The following PRKD1 variants were observed in gnomAD, a reference collection of about 807,000 sequenced individuals.
PRKD1 encodes the protein serine/threonine-protein kinase D1.
In PRKD1, 63 loss-of-function variants were observed where a neutral mutation model predicts 95.9. The ratio of observed to expected loss-of-function variants is 0.66; its 90% CI spans 0.54 to 0.81. The LOEUF is 0.81. PRKD1 is among the 30% of genes least tolerant of loss of function. The pLI is 0.00. For missense variants in PRKD1, 1,048 were observed against 1,165.3 expected (o/e 0.90, Z 1.47); for synonymous variants, 425 against 423.1 (o/e 1.00, Z -0.05).
chr14:29,875,949 G>GA (rs937551459), intron 1 of PRKD1, among the ~76,000 whole-genome samples: 1 of 152,156 alleles, frequency 6.6e-6, no homozygotes, highest in Non-Finnish European at 1.5e-5. Flanking sequence ...GAATTCGTCA[G>GA]ACTATCAGCA....
chr14:29,861,932 G>C (rs1048647537), intron 1 of PRKD1, among the ~76,000 whole-genome samples: 1 of 152,084 alleles, frequency 6.6e-6, no homozygotes, highest in Non-Finnish European at 1.5e-5. Flanking sequence ...GATTATAGTC[G>C]TGAGCCACTG....
chr14:29,869,878 T>C (rs138926283), intron 1 of PRKD1, among the ~76,000 whole-genome samples: 36 of 152,312 alleles, frequency 2.4e-4, no homozygotes, highest in African/African-American at 8.4e-4. Context: ...TTGCTTTTCT[T>C]TGAAAGATTG....
At chr14:29,700,940 C>G (rs1473079159) in intron 2 of PRKD1, among the ~76,000 whole-genome samples, 1 of 150,918 alleles carries the variant, frequency 6.6e-6, no homozygotes, top group East Asian at 1.9e-4. Context: ...TCTCCCTCCC[C>G]TTCCTCCCAA....
At chr14:29,861,685 C>T (rs59011462) in intron 1 of PRKD1, among the ~76,000 whole-genome samples, 2,349 of 152,222 alleles carry the variant, frequency 0.015, 39 homozygotes, top group South Asian at 0.089. Context: ...TGGAGTCTTG[C>T]TCTGTCACCC....
chr14:29,620,139 G>C (rs1879148314), intron 13 of PRKD1, among the ~76,000 whole-genome samples: 1 of 150,778 alleles, frequency 6.6e-6, no homozygotes, highest in African/African-American at 2.4e-5. Flanking sequence ...AGCTGAAACT[G>C]GATCCCTTCC....
At chr14:29,814,799 C>T (rs910226528) in intron 1 of PRKD1, among the ~76,000 whole-genome samples, 16 of 152,052 alleles carry the variant, frequency 1.1e-4, no homozygotes, top group Admixed American at 6.6e-5. Flanking sequence ...CCTTAGCACT[C>T]GAAACTAAGC....
At chr14:29,822,296 T>C (rs747059733) in intron 1 of PRKD1, among the ~76,000 whole-genome samples, 2 of 152,230 alleles carry the variant, frequency 1.3e-5, no homozygotes, top group African/African-American at 4.8e-5. Context: ...ACGATTTCTA[T>C]AGAATCCTTC....
chr14:29,832,273 A>T (rs569229651), intron 1 of PRKD1, among the ~76,000 whole-genome samples: 1 of 152,172 alleles, frequency 6.6e-6, no homozygotes, highest in East Asian at 1.9e-4. Flanking sequence ...TGGTGGGTAT[A>T]TGAAATGTTG....
At chr14:29,920,117 GAAAGA>G (rs956257718) in intron 1 of PRKD1, among the ~76,000 whole-genome samples, 6 of 150,614 alleles carry the variant, frequency 4.0e-5, no homozygotes, top group Non-Finnish European at 4.4e-5. Context: ...AGAAAGGGGA[GAAAGA>G]AAAGAAAAGA....
intron 13 of PRKD1, among the ~76,000 whole-genome samples, chr14:29,619,994 GA>G: frequency 6.6e-6 from 1 of 151,766 alleles, no homozygotes; most frequent in Non-Finnish European, 1.5e-5. Context: ...CAATGGAACA[GA>G]ACAGAGCCCT....
chr14:29,731,389 C>T (rs1715763769), intron 1 of PRKD1, among the ~76,000 whole-genome samples: 1 of 152,140 alleles, frequency 6.6e-6, no homozygotes, highest in South Asian at 2.1e-4. Context: ...ATTCTATGTG[C>T]ATCTGAAAAT....
At chr14:29,882,250 T>A (rs575785537) in intron 1 of PRKD1, among the ~76,000 whole-genome samples, 1 of 152,244 alleles carries the variant, frequency 6.6e-6, no homozygotes, top group African/African-American at 2.4e-5. Context: ...ATTTATCATG[T>A]CCATGTTTTC....
At position 29,577,099 on chromosome 14, in the gene PRKD1, T is replaced by C. The variant is rs537901996; in HGVS notation, c.*139A>G. 1,586 of 864,300 alleles carry C rather than the reference T, an allele frequency of 1.8e-3. 4 individuals are homozygous for C. Among genetic ancestry groups the C allele is most frequent in the Middle Eastern group, 6.1e-3 (17 of 2,780 alleles). The allele number at this position is 864,300 out of a possible 1,614,324, so 53.5% of individuals were successfully genotyped here. A position where few individuals can be genotyped will look rare whatever the true frequency, so the allele number is the denominator to read the frequency against. ...TGTTGATTTGTCTTGGCAACTCAGATACATCAACAGTGCTAACAGTTTAAC... is the reference window on the plus strand; with the variant it reads ...TGTTGATTTGTCTTGGCAACTCAGACACATCAACAGTGCTAACAGTTTAAC... On this transcript the variant is annotated 3_prime_UTR_variant, in exon 18 of 18. Transcript: ENST00000331968.
intron 1 of PRKD1, among the ~76,000 whole-genome samples, chr14:29,866,421 T>C (rs1055588429): frequency 2.0e-5 from 3 of 152,238 alleles, no homozygotes; most frequent in African/African-American, 7.2e-5. Context: ...TAATCTTCCA[T>C]GATCAAATAT....
At chr14:29,848,397 T>C (rs1462901348) in intron 1 of PRKD1, among the ~76,000 whole-genome samples, 2 of 152,054 alleles carry the variant, frequency 1.3e-5, no homozygotes, top group Non-Finnish European at 2.9e-5. Flanking sequence ...TATTTTTCAC[T>C]TTTTTCCTTT....
At chr14:29,808,415 T>TTTTTG (rs1890335906) in intron 1 of PRKD1, among the ~76,000 whole-genome samples, 1 of 131,988 alleles carries the variant, frequency 7.6e-6, no homozygotes, top group Non-Finnish European at 1.6e-5. Flanking sequence ...TTTTTTTTTT[T>TTTTTG]GAGATGGGAG....
chr14:29,811,400 TC>T, intron 1 of PRKD1, among the ~76,000 whole-genome samples: 1 of 151,972 alleles, frequency 6.6e-6, no homozygotes, highest in East Asian at 1.9e-4. Context: ...GCTGGACATC[TC>T]CCTTCCCACA....
rs148520189 is a variant in PRKD1, at chr14:29,852,336, A to G, written c.264+74913T>C. Reference sequence around the variant, plus strand: ...TATGATGCTTAAAAGTATAATAAATAAAATAAAAAACACACTAGAGAAATT... The same window carrying G: ...TATGATGCTTAAAAGTATAATAAATGAAATAAAAAACACACTAGAGAAATT... On this transcript the variant is annotated intron_variant, in intron 1 of 17. Transcript: ENST00000331968. Among the ~76,000 whole-genome samples, 450 of 152,286 alleles carry G rather than the reference A, an allele frequency of 3.0e-3. 4 individuals are homozygous for G. Among genetic ancestry groups the G allele is most frequent in the Non-Finnish European group, 4.8e-3 (325 of 67,988 alleles).
intron 1 of PRKD1, among the ~76,000 whole-genome samples, chr14:29,828,038 C>T (rs1387015402): frequency 6.6e-6 from 1 of 151,978 alleles, no homozygotes; most frequent in African/African-American, 2.4e-5. Flanking sequence ...ATTTATTCTC[C>T]TCTCTATGTC....
Sources: gnomAD v4.1 joint callset for allele counts (sites outside exome capture counted in the v4.1 genomes callset) on GRCh38, gnomAD v4.1.1 for gene constraint, MANE v1.5 for transcripts, NCBI Gene and HGNC (gene_info 2026-07-23, HGNC 2026-07-21) for gene names.